Variants in STK24 observed in about 807,000 individuals in gnomAD.
STK24 encodes serine/threonine-protein kinase 24.
In STK24, 21 loss-of-function variants were observed where a neutral mutation model predicts 55.6. The observed-to-expected ratio is 0.38, with a 90% CI of 0.27 to 0.54. STK24 has a LOEUF of 0.54. Ranked by LOEUF, STK24 falls within the 20% of genes least tolerant of loss-of-function variation. The pLI, the probability that STK24 is intolerant of heterozygous loss-of-function variation, is 0.79. For missense variants in STK24, 383 were observed against 538.4 expected, an observed-to-expected ratio of 0.71 and a Z score of 2.86; for synonymous variants, 200 against 215.2, an observed-to-expected ratio of 0.93 and a Z score of 0.62.
At chr13:98,501,419 C>T (rs1047526801) in intron 2 of STK24, among the ~76,000 whole-genome samples, 2 of 152,220 alleles carry the variant, frequency 1.3e-5, no homozygotes, top group Admixed American at 1.3e-4. Flanking sequence ...AAGAGAGCCC[C>T]AGGAACTGAG....
chr13:98,564,378 A>G (rs1218050188), intron 1 of STK24, among the ~76,000 whole-genome samples: 1 of 152,152 alleles, frequency 6.6e-6, no homozygotes, highest in Admixed American at 6.5e-5. Context: ...TCCCCTTACG[A>G]GGGCTCCCTA....
chr13:98,453,867 C>G (rs111619453), intron 10 of STK24: 6 of 152,126 alleles, frequency 3.9e-5, no homozygotes, highest in Non-Finnish European at 5.9e-5. Context: ...AAAGTACATA[C>G]AAAATTACAG....
chr13:98,556,073 G>A (rs552703265), intron 1 of STK24, among the ~76,000 whole-genome samples: 88 of 152,028 alleles, frequency 5.8e-4, no homozygotes, highest in Non-Finnish European at 1.0e-3. Context: ...TAAGAAATTC[G>A]GTCCCATACT....
chr13:98,448,819 CTTTCTACT>C lies in STK24; in HGVS notation c.*4346_*4353del, dbSNP rs1893034815. ...TTCAGATTTCATTTTTTTTTTCAGT[CTTTCTACT>C]TTTGTAATAATAGGAAGTTAGTAGG... On this transcript the variant is annotated 3_prime_UTR_variant, in exon 11 of 11. Coordinates refer to ENST00000539966, the MANE Select transcript of STK24 (RefSeq NM_001032296.4). The C allele has an allele frequency of 6.8e-6, 1 of 147,948 alleles. No individual in the cohort carries two copies. The highest frequency in any genetic ancestry group is 1.5e-5 in the Non-Finnish European group (1 of 66,578). The allele number at this position is 147,948 out of a possible 1,614,324, so 9.2% of individuals were successfully genotyped here.
intron 2 of STK24, among the ~76,000 whole-genome samples, chr13:98,483,420 T>G (rs1478616097): frequency 2.0e-5 from 3 of 152,160 alleles, no homozygotes; most frequent in African/African-American, 7.2e-5. Context: ...GAAACCTTTT[T>G]TAAGGCTCTT....
chr13:98,477,576 G>A (rs185588767), intron 3 of STK24, among the ~76,000 whole-genome samples: 20 of 152,000 alleles, frequency 1.3e-4, no homozygotes, highest in Admixed American at 6.5e-4. Context: ...TTGGGAGGCT[G>A]AGGCAGGAGA....
At chr13:98,476,371 T>C (rs1170876551) in intron 3 of STK24, among the ~76,000 whole-genome samples, 1 of 152,092 alleles carries the variant, frequency 6.6e-6, no homozygotes, top group East Asian at 1.9e-4. Context: ...GTCTAATCGA[T>C]GCAGGTAGGG....
At chr13:98,548,589 C>T (rs899387260) in intron 1 of STK24, among the ~76,000 whole-genome samples, 31 of 152,142 alleles carry the variant, frequency 2.0e-4, no homozygotes, top group African/African-American at 7.0e-4. Flanking sequence ...TGGCTGGGCA[C>T]GGTGGCTCAC....
chr13:98,528,886 G>A (rs151088647), intron 1 of STK24, among the ~76,000 whole-genome samples: 16 of 152,248 alleles, frequency 1.1e-4, no homozygotes, highest in East Asian at 9.6e-4. Context: ...TGGAGCGGGC[G>A]GGAGGATGCT....
chr13:98,522,923 G>C (rs1265984649), intron 1 of STK24, among the ~76,000 whole-genome samples: 24 of 152,224 alleles, frequency 1.6e-4, no homozygotes. Context: ...ACAAGGGCGA[G>C]AGGGGTGCTA....
At chr13:98,481,908 A>AACC (rs1566359892) in intron 3 of STK24, among the ~76,000 whole-genome samples, 1 of 151,982 alleles carries the variant, frequency 6.6e-6, no homozygotes, top group African/African-American at 2.4e-5. Context: ...CAACAACAAC[A>AACC]ACCACAAAAT....
At chr13:98,458,532 T>C (rs904545598) in intron 9 of STK24, among the ~76,000 whole-genome samples, 8 of 152,142 alleles carry the variant, frequency 5.3e-5, no homozygotes, top group Non-Finnish European at 8.8e-5. Flanking sequence ...CTGAAGTTCT[T>C]GCTGTCACAG....
intron 1 of STK24, among the ~76,000 whole-genome samples, chr13:98,522,582 CTCTT>C (rs921513701): frequency 6.6e-6 from 1 of 152,242 alleles, no homozygotes; most frequent in African/African-American, 2.4e-5. Flanking sequence ...CAAGCATTCT[CTCTT>C]TCTACCCAGA....
chr13:98,453,724 G>A (rs1356051691), intron 10 of STK24: 1 of 153,174 alleles, frequency 6.5e-6, no homozygotes, highest in Non-Finnish European at 1.5e-5. Flanking sequence ...CACTAATTTG[G>A]AAACAACTCT....
chr13:98,471,961 C>G (rs376845535), intron 5 of STK24, among the ~76,000 whole-genome samples: 4 of 152,276 alleles, frequency 2.6e-5, no homozygotes, highest in African/African-American at 7.2e-5. Context: ...ACAAGTCATG[C>G]AAGAGAGAAT....
chr13:98,561,631 G>T (rs1284882930), intron 1 of STK24, among the ~76,000 whole-genome samples: 1 of 151,938 alleles, frequency 6.6e-6, no homozygotes, highest in East Asian at 1.9e-4. Context: ...AACTTGTTTG[G>T]CCAGAGCCAA....
At chr13:98,494,873 G>A (rs1213026169) in intron 2 of STK24, among the ~76,000 whole-genome samples, 2 of 152,130 alleles carry the variant, frequency 1.3e-5, no homozygotes, top group Non-Finnish European at 2.9e-5. Flanking sequence ...CCAGCTAAAG[G>A]CCCAGGAGAA....
rs1262716467 is a variant in STK24 at position 98,463,068 on chromosome 13, G to C, written c.929+623C>G. 2.0e-5 allele frequency among the ~76,000 whole-genome samples: 3 copies of C among 152,234 alleles called. No homozygotes were observed. The East Asian group carries it at 5.8e-4, about 29-fold the overall frequency. ...ATCCCCGGAAATCCTCATTCAACTG[G>C]CCTGGCACATGGACCTGCACTGTGG... On this transcript the variant is annotated intron_variant, in intron 7 of 10. Transcript: ENST00000539966.
At chr13:98,489,477 C>G (rs936897685) in intron 2 of STK24, among the ~76,000 whole-genome samples, 1 of 152,216 alleles carries the variant, frequency 6.6e-6, no homozygotes, top group African/African-American at 2.4e-5. Flanking sequence ...ACTAGGTACC[C>G]AGGGTGGCTG....
Sources: allele counts gnomAD v4.1 joint callset (sites outside exome capture counted in the v4.1 genomes callset), GRCh38; gene constraint gnomAD v4.1.1; transcripts MANE v1.5; gene names NCBI Gene and HGNC (gene_info 2026-07-23, HGNC 2026-07-21).